MTHFD2L: variants seen among roughly 807,000 people sequenced by gnomAD.
MTHFD2L encodes the protein methylenetetrahydrofolate dehydrogenase (NADP+ dependent) 2 like.
A neutral mutation model predicts 34.9 loss-of-function variants in MTHFD2L; 29 were observed. The observed-to-expected ratio is 0.83, with a 90% CI of 0.62 to 1.13. The LOEUF is 1.13. MTHFD2L is among the 50% of genes most tolerant of loss of function. MTHFD2L has a pLI of 0.00. For missense variants in MTHFD2L, 481 were observed against 446.5 expected (o/e 1.08, Z -0.70); for synonymous variants, 167 against 155.7 (o/e 1.07, Z -0.54).
At chr4:74,250,516 A>G (rs1329240519) in intron 6 of MTHFD2L, among the ~76,000 whole-genome samples, 2 of 152,160 alleles carry the variant, frequency 1.3e-5, no homozygotes, top group East Asian at 1.9e-4. Flanking sequence ...CACACCTACT[A>G]TACCACCTAG....
intron 1 of MTHFD2L, chr4:74,140,558 G>C (rs896084781): frequency 2.7e-5 from 26 of 978,986 alleles, no homozygotes; most frequent in Non-Finnish European, 2.9e-5. Context: ...ATTCATTTAG[G>C]CTATACTACA....
intron 7 of MTHFD2L, among the ~76,000 whole-genome samples, chr4:74,291,130 G>A (rs554518775): frequency 5.4e-4 from 76 of 141,742 alleles, no homozygotes; most frequent in Middle Eastern, 3.6e-3. Context: ...CAATTCTCCT[G>A]CCTCAGCCTT....
intron 6 of MTHFD2L, among the ~76,000 whole-genome samples, chr4:74,256,219 C>T (rs984863852): frequency 3.3e-5 from 5 of 152,126 alleles, no homozygotes; most frequent in Non-Finnish European, 7.4e-5. Flanking sequence ...GTATCTCTTT[C>T]CTCTCTTAGC....
At position 74,225,305 on chromosome 4, in the gene MTHFD2L, A is replaced by T. The variant is rs191553722; in HGVS notation, c.716A>T (p.Asp239Val). ...TDGEHERPGG[D>V]ATVTIAHRYT... ...TAGAAATTCTTCTGTATTCCAGGTG[A>T]TGCAACTGTGACAATAGCTCACAGA... The change falls in exon 6 of 8, where the codon GAT (aspartate) becomes GTT (valine). Residue 239 changes from aspartate to valine, a missense_variant. Coordinates refer to ENST00000325278, the MANE Select transcript of MTHFD2L (RefSeq NM_001144978.3). 4 of 1,611,308 alleles carry T rather than the reference A, an allele frequency of 2.5e-6. No homozygotes were observed. The Admixed American group carries it at 6.7e-5, about 27-fold the overall frequency.
intron 1 of MTHFD2L, among the ~76,000 whole-genome samples, chr4:74,148,283 G>A (rs1723718448): frequency 6.7e-6 from 1 of 150,026 alleles, no homozygotes; most frequent in Non-Finnish European, 1.5e-5. Flanking sequence ...CTCCAACATT[G>A]TTCTTTTCAT....
chr4:74,261,616 A>G (rs949462049), intron 6 of MTHFD2L, among the ~76,000 whole-genome samples: 5 of 152,110 alleles, frequency 3.3e-5, no homozygotes, highest in African/African-American at 1.2e-4. Flanking sequence ...TTATTCCACA[A>G]AAGCATTATC....
At chr4:74,125,413 A>T (rs1180158587), upstream of MTHFD2L, 1 of 152,160 alleles carries the variant, frequency 6.6e-6, no homozygotes, top group East Asian at 1.9e-4. Context: ...TAAGTAATTT[A>T]CCTAAGTAGT....
At chr4:74,165,969 A>G (rs1244508677) in intron 1 of MTHFD2L, among the ~76,000 whole-genome samples, 1 of 152,238 alleles carries the variant, frequency 6.6e-6, no homozygotes, top group African/African-American at 2.4e-5. Flanking sequence ...CCATATTTAG[A>G]TAGGGGAAAA....
chr4:74,254,654 GTTC>G (rs1222012252), intron 6 of MTHFD2L, among the ~76,000 whole-genome samples: 1 of 150,236 alleles, frequency 6.7e-6, no homozygotes, highest in African/African-American at 2.4e-5. Flanking sequence ...GCTAAATTGA[GTTC>G]TTCAAGTTGA....
intron 7 of MTHFD2L, among the ~76,000 whole-genome samples, chr4:74,290,019 C>A (rs7665228): frequency 0.066 from 9,996 of 152,172 alleles, 760 homozygotes; most frequent in African/African-American, 0.18. Flanking sequence ...CAATAGCAGA[C>A]CCAACATGGG....
intron 6 of MTHFD2L, among the ~76,000 whole-genome samples, chr4:74,246,960 G>A (rs1280920535): frequency 3.3e-5 from 5 of 151,896 alleles, no homozygotes; most frequent in African/African-American, 1.2e-4. Context: ...TTGGCGATGC[G>A]GCCTCTTTTT....
chr4:74,251,690 T>C (rs1743330167), intron 6 of MTHFD2L, among the ~76,000 whole-genome samples: 1 of 152,124 alleles, frequency 6.6e-6, no homozygotes, highest in African/African-American at 2.4e-5. Context: ...TAAACCCCAT[T>C]GTGCTTGATT....
intron 7 of MTHFD2L, among the ~76,000 whole-genome samples, chr4:74,286,582 A>G (rs1386384099): frequency 6.6e-6 from 1 of 152,154 alleles, no homozygotes; most frequent in African/African-American, 2.4e-5. Flanking sequence ...TAATTCATCA[A>G]ATGGATTTGA....
intron 6 of MTHFD2L, among the ~76,000 whole-genome samples, chr4:74,276,378 A>G (rs977933190): frequency 6.6e-6 from 1 of 152,156 alleles, no homozygotes; most frequent in East Asian, 1.9e-4. Flanking sequence ...CTATGTGAGC[A>G]TAGATGGTTT....
chr4:74,180,290 A>G (rs1729882678), intron 3 of MTHFD2L, among the ~76,000 whole-genome samples: 1 of 152,128 alleles, frequency 6.6e-6, no homozygotes, highest in Admixed American at 6.6e-5. Flanking sequence ...ATAGAAGTAG[A>G]TGAATACAGC....
chr4:74,247,695 G>A (rs4577545), intron 6 of MTHFD2L, among the ~76,000 whole-genome samples: 100,269 of 152,022 alleles, frequency 0.66, 34,823 homozygotes, highest in Middle Eastern at 0.8. Context: ...ATGAAGGGAT[G>A]TTGAATTTTG....
intron 2 of MTHFD2L, 136 bp from the exon 3 acceptor site, chr4:74,175,145 G>T: frequency 1.1e-6 from 1 of 941,736 alleles, no homozygotes; most frequent in East Asian, 2.5e-5. Context: ...TACTATTGGA[G>T]AAATCCTTCC....
chr4:74,255,244 G>A (rs1005830995), intron 6 of MTHFD2L, among the ~76,000 whole-genome samples: 1 of 150,878 alleles, frequency 6.6e-6, no homozygotes, highest in South Asian at 2.1e-4. Flanking sequence ...AGAAGTTAAA[G>A]TGTAGAGGTT....
At chr4:74,278,664 A>G (rs780834025) in intron 6 of MTHFD2L, among the ~76,000 whole-genome samples, 12 of 151,982 alleles carry the variant, frequency 7.9e-5, no homozygotes, top group South Asian at 6.2e-4. Context: ...GCTTTCCTCT[A>G]TGGTTCTTGT....
Sources: allele counts gnomAD v4.1 joint callset (sites outside exome capture counted in the v4.1 genomes callset), GRCh38; gene constraint gnomAD v4.1.1; transcripts MANE v1.5; gene names NCBI Gene and HGNC (gene_info 2026-07-23, HGNC 2026-07-21).